ARMH3: variants seen among roughly 807,000 people sequenced by gnomAD.
ARMH3 encodes the protein armadillo-like helical domain-containing protein 3.
ARMH3 carries 60 observed loss-of-function variants against 99.1 expected under a neutral mutation model. That is an observed-to-expected ratio of 0.61 (90% CI 0.49 to 0.75). ARMH3 has a LOEUF of 0.75. ARMH3 is among the 30% of genes least tolerant of loss of function. The pLI is 0.00. For missense variants in ARMH3, 679 were observed against 843.1 expected, an observed-to-expected ratio of 0.81 and a Z score of 2.41; for synonymous variants, 285 against 292.8, an observed-to-expected ratio of 0.97 and a Z score of 0.27.
intron 19 of ARMH3, among the ~76,000 whole-genome samples, chr10:101,983,989 C>T (rs1480709705): frequency 6.6e-6 from 1 of 152,042 alleles, no homozygotes; most frequent in African/African-American, 2.4e-5. Context: ...GAGCCCTAAA[C>T]CCATGGGATC....
chr10:101,945,567 A>T (rs999863942), intron 22 of ARMH3, among the ~76,000 whole-genome samples: 50 of 152,012 alleles, frequency 3.3e-4, no homozygotes, highest in African/African-American at 1.2e-3. Flanking sequence ...AAAATACAAA[A>T]CTTAACCAGG....
chr10:101,863,958 G>A (rs1564699008), intron 24 of ARMH3, among the ~76,000 whole-genome samples: 1 of 151,460 alleles, frequency 6.6e-6, no homozygotes, highest in Admixed American at 6.6e-5. Context: ...CTGCCCAGGA[G>A]GCTGAGGCAG....
At position 101,956,573 on chromosome 10, in the gene ARMH3, G is replaced by A. The variant is rs1218503367; in HGVS notation, c.1705+24C>T. 5.6e-6 allele frequency: 9 copies of A among 1,610,606 alleles called. No individual in the cohort carries two copies. In the South Asian group the frequency reaches 9.9e-5, roughly 18 times the overall value. On this transcript the variant is annotated intron_variant, in intron 22 of 25. Transcript: ENST00000370033. ...AAAGCTAGACAAATGGTGGAGAGAG[G>A]AGTAAAAAGAAAAGGCAGCTTACCC... is the stretch of plus-strand genomic sequence containing the variant.
At chr10:101,915,271 A>C (rs950731563) in intron 23 of ARMH3, among the ~76,000 whole-genome samples, 3 of 152,144 alleles carry the variant, frequency 2.0e-5, no homozygotes, top group African/African-American at 7.2e-5. Context: ...CAGTGCTGAA[A>C]ATCATTCAGC....
intron 24 of ARMH3, among the ~76,000 whole-genome samples, chr10:101,857,624 A>G (rs2066765191): frequency 6.6e-6 from 1 of 152,240 alleles, no homozygotes; most frequent in Non-Finnish European, 1.5e-5. Context: ...ACCATTTGTC[A>G]GCCAGAAAGG....
intron 24 of ARMH3, among the ~76,000 whole-genome samples, chr10:101,868,592 T>C (rs963804136): frequency 6.6e-6 from 1 of 152,122 alleles, no homozygotes; most frequent in African/African-American, 2.4e-5. Flanking sequence ...TTCCTCCTCC[T>C]CAGCCTACTC....
intron 17 of ARMH3, among the ~76,000 whole-genome samples, chr10:101,993,097 C>A (rs904215471): frequency 9.2e-5 from 14 of 151,680 alleles, no homozygotes; most frequent in Non-Finnish European, 2.1e-4. Flanking sequence ...GTGGTGAAAC[C>A]CCATCTGTAA....
chr10:101,968,502 AG>A (rs1432377003), intron 20 of ARMH3, among the ~76,000 whole-genome samples: 1 of 152,240 alleles, frequency 6.6e-6, no homozygotes, highest in Non-Finnish European at 1.5e-5. Context: ...ATATAGGCAG[AG>A]TAACCAAAAG....
In ARMH3 at chr10:101,847,146, G is replaced by A. The variant is rs550083857; in HGVS notation, c.*382C>T. 4 of 192,038 alleles carry A rather than the reference G, an allele frequency of 2.1e-5. No individual in the cohort carries two copies. The highest frequency in any genetic ancestry group is 1.0e-4 in the South Asian group (1 of 9,758). The allele number at this position is 192,038 out of a possible 1,614,324, so 11.9% of individuals were successfully genotyped here. ...GAGAGTTGATCTGTTTTCAGAAGCC[G>A]AGCAGAGCCACTGACTTTCAGGGTG... On this transcript the variant is annotated 3_prime_UTR_variant, in exon 26 of 26. Coordinates refer to ENST00000370033, the MANE Select transcript of ARMH3 (RefSeq NM_024541.3).
intron 1 of ARMH3, among the ~76,000 whole-genome samples, chr10:102,053,440 G>A (rs189569251): frequency 1.9e-4 from 29 of 151,988 alleles, no homozygotes; most frequent in Admixed American, 1.7e-3. Context: ...TCGCCATGTT[G>A]AGCCAGCTCG....
chr10:101,895,923 C>A (rs2067821364), intron 23 of ARMH3, among the ~76,000 whole-genome samples: 1 of 152,104 alleles, frequency 6.6e-6, no homozygotes, highest in Admixed American at 6.6e-5. Context: ...AAATCCAAAT[C>A]AAAACCACAA....
intron 24 of ARMH3, among the ~76,000 whole-genome samples, chr10:101,873,273 G>T (rs1045452500): frequency 4.0e-5 from 6 of 151,652 alleles, no homozygotes; most frequent in African/African-American, 1.2e-4. Context: ...TTAGCTGGGC[G>T]TGGTAGTGTG....
intron 23 of ARMH3, among the ~76,000 whole-genome samples, chr10:101,912,342 G>C (rs971076987): frequency 7.0e-6 from 1 of 143,280 alleles, no homozygotes; most frequent in Non-Finnish European, 1.5e-5. Flanking sequence ...GCAGTGAGCC[G>C]AGATCGTGCC....
chr10:101,936,717 C>T (rs547899659), intron 23 of ARMH3, among the ~76,000 whole-genome samples: 1 of 152,092 alleles, frequency 6.6e-6, no homozygotes, highest in East Asian at 1.9e-4. Flanking sequence ...CATGTTCATA[C>T]CAGCATTATT....
intron 22 of ARMH3, among the ~76,000 whole-genome samples, chr10:101,950,736 G>C (rs1327092975): frequency 6.6e-6 from 1 of 152,210 alleles, no homozygotes; most frequent in Non-Finnish European, 1.5e-5. Context: ...TATATAAAAT[G>C]TCCAGAATAG....
Position 102,029,620 on chromosome 10 carries a change from C to G in ARMH3, c.414+18G>C, listed in dbSNP as rs1478176500. On this transcript the variant is annotated intron_variant, in intron 5 of 25. Transcript: ENST00000370033. ...CAGAAGCTGCCATCCACAGGCACAT[C>G]TGCAGCTTATGCCTCACCTTCATGC... The G allele has an allele frequency of 4.3e-6, 7 of 1,614,236 alleles. No individual in the cohort carries two copies. Among genetic ancestry groups the G allele is most frequent in the Non-Finnish European group, 5.9e-6 (7 of 1,180,048 alleles).
chr10:102,053,554 G>A (rs1475786218), intron 1 of ARMH3, among the ~76,000 whole-genome samples: 8 of 151,808 alleles, frequency 5.3e-5, no homozygotes, highest in African/African-American at 1.9e-4. Context: ...TTTCTTACTT[G>A]TGCAATCTCC....
At chr10:101,945,446 G>A (rs1265416006) in intron 22 of ARMH3, among the ~76,000 whole-genome samples, 2 of 152,166 alleles carry the variant, frequency 1.3e-5, no homozygotes, top group Admixed American at 6.5e-5. Context: ...GGCTGGACAC[G>A]GTGGCTCGCG....
In ARMH3 at chr10:101,957,833, G is replaced by C. The variant is rs1845110486; in HGVS notation, c.1496-101C>G. On this transcript the variant is annotated intron_variant, in intron 20 of 25. Transcript: ENST00000370033. The stretch of plus-strand genomic sequence containing the variant: ...TCTAAAAAAAATCCAGAAGGTTAGA[G>C]TGAGTAAGTCTCAGCCACCAAGGTC... 4 of 1,446,458 alleles carry C rather than the reference G, an allele frequency of 2.8e-6. No homozygotes were observed. In the South Asian group the frequency reaches 5.6e-5, roughly 20 times the overall value. 89.6% of individuals were successfully genotyped at this position (1,446,458 alleles called of 1,614,324 possible).
Sources: gnomAD v4.1 joint callset for allele counts (sites outside exome capture counted in the v4.1 genomes callset) on GRCh38, gnomAD v4.1.1 for gene constraint, MANE v1.5 for transcripts, NCBI Gene and HGNC (gene_info 2026-07-23, HGNC 2026-07-21) for gene names.